The following RORA variants were observed in gnomAD, a reference collection of about 807,000 sequenced individuals.
RORA encodes nuclear receptor ROR-alpha.
In RORA, 7 loss-of-function variants were observed where a neutral mutation model predicts 69.5. The ratio of observed to expected loss-of-function variants is 0.10; its 90% CI spans 0.06 to 0.19. The LOEUF (loss-of-function observed/expected upper bound fraction) is 0.19, where lower values mean the gene tolerates loss of function less well. Among genes scored for constraint, RORA ranks in the 10% least tolerant of loss-of-function variants. The probability of loss-of-function intolerance (pLI) is 1.00; values close to 1 mark genes in which losing one functional copy is unlikely to be tolerated. For missense variants in RORA, 457 were observed against 663.0 expected (o/e 0.69, Z 3.41); for synonymous variants, 261 against 240.8 (o/e 1.08, Z -0.78).
At chr15:61,067,114 C>CT (rs772963614) in intron 1 of RORA, among the ~76,000 whole-genome samples, 656 of 138,306 alleles carry the variant, frequency 4.7e-3, no homozygotes, top group Non-Finnish European at 4.6e-3. Context: ...AACTTTTTTT[C>CT]TTTTTTTTTT....
rs904596524 is a variant in RORA, at chr15:61,128,748, A to G, written c.166+100305T>C. Reference sequence around the variant, plus strand: ...TCCTCCAGGGGAGTAAAAGCAGATCACAAAGGATCTAGTGTCTCAGAACAC... The same window carrying G: ...TCCTCCAGGGGAGTAAAAGCAGATCGCAAAGGATCTAGTGTCTCAGAACAC... On this transcript the variant is annotated intron_variant, in intron 1 of 10. Transcript: ENST00000335670. The surrounding 1 kb of genome is among the most constrained non-coding windows in gnomAD (Gnocchi z 4.5). Among the ~76,000 whole-genome samples the G allele has an allele frequency of 1.3e-5, 2 of 152,226 alleles. No individual in the cohort carries two copies. Among genetic ancestry groups the G allele is most frequent in the African/African-American group, 4.8e-5 (2 of 41,458 alleles).
intron 1 of RORA, among the ~76,000 whole-genome samples, chr15:60,732,597 G>A (rs1238858155): frequency 2.0e-5 from 3 of 152,194 alleles, no homozygotes; most frequent in African/African-American, 4.8e-5. Context: ...GGGAGGTTGA[G>A]CAAGCCCTTC....
At chr15:60,738,707 G>A (rs543087462) in intron 1 of RORA, among the ~76,000 whole-genome samples, 8 of 152,322 alleles carry the variant, frequency 5.3e-5, no homozygotes, top group South Asian at 2.1e-4. Flanking sequence ...GCCTGTGGTC[G>A]TTTCCTACGA....
chr15:60,651,554 A>T (rs1179968716), intron 2 of RORA, among the ~76,000 whole-genome samples: 1 of 152,052 alleles, frequency 6.6e-6, no homozygotes, highest in Non-Finnish European at 1.5e-5. Flanking sequence ...CAGATTTTTG[A>T]TTACACAAAA....
chr15:61,140,829 G>C (rs1368199889), intron 1 of RORA, among the ~76,000 whole-genome samples: 1 of 152,152 alleles, frequency 6.6e-6, no homozygotes, highest in African/African-American at 2.4e-5. Context: ...CATATTTGGA[G>C]AATATTTTTA....
intron 1 of RORA, among the ~76,000 whole-genome samples, chr15:60,875,066 G>C (rs1222944740): frequency 6.6e-6 from 1 of 151,998 alleles, no homozygotes; most frequent in East Asian, 1.9e-4. Context: ...ACTCAGAGAG[G>C]TGACAGGACT....
rs369455730 is a variant in RORA at position 61,098,868 on chromosome 15, CTG to C, written c.166+130183_166+130184del. ...TGCTTAGGAGCAATCGTTATTTTAA[CTG>C]TGTGAATTAAGAGCATAAGTCTTTT... On this transcript the variant is annotated intron_variant, in intron 1 of 10. Transcript: ENST00000335670. Among the ~76,000 whole-genome samples, 530 of 152,310 alleles carry C rather than the reference CTG, an allele frequency of 3.5e-3. 2 individuals are homozygous for C. Among genetic ancestry groups the C allele is most frequent in the African/African-American group, 0.012 (502 of 41,572 alleles).
intron 2 of RORA, among the ~76,000 whole-genome samples, chr15:60,542,754 A>T (rs1309810241): frequency 6.6e-6 from 1 of 151,252 alleles, no homozygotes; most frequent in Admixed American, 6.6e-5. Flanking sequence ...ACACACGGGC[A>T]CACCTCACAC....
At chr15:60,744,919 C>T (rs898263520) in intron 1 of RORA, among the ~76,000 whole-genome samples, 6 of 152,176 alleles carry the variant, frequency 3.9e-5, no homozygotes, top group Middle Eastern at 3.2e-3. Context: ...CCGGGGCCTC[C>T]ACCACTGATT....
chr15:60,611,994 G>T (rs750611477), intron 2 of RORA, among the ~76,000 whole-genome samples: 6 of 152,154 alleles, frequency 3.9e-5, no homozygotes, highest in Non-Finnish European at 7.4e-5. Flanking sequence ...ACCAGCCAAT[G>T]GGTGGCCTCA....
intron 1 of RORA, among the ~76,000 whole-genome samples, chr15:60,866,820 T>TATC (rs2073493265): frequency 2.9e-4 from 42 of 146,790 alleles, no homozygotes; most frequent in Admixed American, 1.5e-3. Context: ...TATCTTATCT[T>TATC]TATCTATCTA....
chr15:60,995,681 G>A lies in RORA; in HGVS notation c.166+233372C>T, dbSNP rs183569540. ...TTTCAAATCACTGCATTGGTCCACAGAGTCTCGTGATATGCTGGCAGAATA... is the reference window on the plus strand; with the variant it reads ...TTTCAAATCACTGCATTGGTCCACAAAGTCTCGTGATATGCTGGCAGAATA... On this transcript the variant is annotated intron_variant, in intron 1 of 10. Coordinates refer to ENST00000335670, the MANE Select transcript of RORA (RefSeq NM_134261.3). Among the ~76,000 whole-genome samples the A allele has an allele frequency of 4.1e-4, 63 of 152,308 alleles. 1 individual carries two copies. Among genetic ancestry groups the A allele is most frequent in the African/African-American group, 1.2e-3 (50 of 41,572 alleles).
At chr15:61,063,942 G>C (rs1371061010) in intron 1 of RORA, among the ~76,000 whole-genome samples, 1 of 152,164 alleles carries the variant, frequency 6.6e-6, no homozygotes, top group African/African-American at 2.4e-5. Context: ...ACTGCCTTCC[G>C]TCTGGTGTGG....
intron 1 of RORA, among the ~76,000 whole-genome samples, chr15:60,939,746 C>T (rs1277100916): frequency 6.6e-6 from 1 of 152,208 alleles, no homozygotes; most frequent in Admixed American, 6.5e-5. Flanking sequence ...CCGGGTTGTT[C>T]CAAGTCGGCT....
At chr15:61,014,520 G>C (rs1461174200) in intron 1 of RORA, among the ~76,000 whole-genome samples, 1 of 152,044 alleles carries the variant, frequency 6.6e-6, no homozygotes, top group Non-Finnish European at 1.5e-5. Flanking sequence ...TTCTATTCCT[G>C]TCTTCTAAGG....
chr15:61,189,166 C>T (rs967402), intron 1 of RORA, among the ~76,000 whole-genome samples: 148,838 of 152,320 alleles, frequency 0.98, 72,798 homozygotes, highest in East Asian at 1. Context: ...CATCTTTGAC[C>T]CCTTAGTGTT....
At chr15:61,187,593 C>T (rs928312550) in intron 1 of RORA, among the ~76,000 whole-genome samples, 1 of 152,208 alleles carries the variant, frequency 6.6e-6, no homozygotes, top group African/African-American at 2.4e-5. Context: ...GGGAACAGCG[C>T]AGGGCTACTT....
intron 1 of RORA, among the ~76,000 whole-genome samples, chr15:60,789,324 C>T (rs1567191774): frequency 1.3e-5 from 2 of 152,228 alleles, no homozygotes. Flanking sequence ...TGCCCTCAAA[C>T]AGCAAAGTAT....
chr15:61,000,283 T>C (rs1466160533), intron 1 of RORA, among the ~76,000 whole-genome samples: 5 of 152,234 alleles, frequency 3.3e-5, no homozygotes, highest in Non-Finnish European at 7.3e-5. Context: ...TTAATCAGCT[T>C]AACGTGTGGC....
Sources: allele counts gnomAD v4.1 joint callset (sites outside exome capture counted in the v4.1 genomes callset), GRCh38; gene constraint gnomAD v4.1.1; non-coding constraint Gnocchi (gnomAD v3.1); transcripts MANE v1.5; gene names NCBI Gene and HGNC (gene_info 2026-07-23, HGNC 2026-07-21).